Variants in CHKA observed in about 807,000 individuals in gnomAD.
The protein encoded by CHKA is CHETK-alpha.
A neutral mutation model predicts 60.1 loss-of-function variants in CHKA; 34 were observed. The ratio of observed to expected loss-of-function variants is 0.57; its 90% CI spans 0.43 to 0.75. CHKA has a LOEUF of 0.75. Ranked by LOEUF, CHKA falls within the 30% of genes least tolerant of loss-of-function variation. The pLI is 0.00. For synonymous variants in CHKA, 217 were observed against 223.1 expected, an observed-to-expected ratio of 0.97 and a Z score of 0.24; for missense variants, 563 against 561.3, an observed-to-expected ratio of 1.00 and a Z score of -0.03.
chr11:68,090,714 TCAAA>T (rs1857324195), intron 2 of CHKA, among the ~76,000 whole-genome samples: 1 of 152,208 alleles, frequency 6.6e-6, no homozygotes, highest in African/African-American at 2.4e-5. Context: ...TGGTTAGTAC[TCAAA>T]CAAGCACTAA....
intron 1 of CHKA, among the ~76,000 whole-genome samples, chr11:68,101,246 C>T (rs1214723459): frequency 6.6e-6 from 1 of 151,964 alleles, no homozygotes; most frequent in Admixed American, 6.6e-5. Flanking sequence ...CCACGCTGGT[C>T]CAAAGAGGTT....
Position 68,120,912 on chromosome 11 carries a change from C to A in CHKA, c.266G>T (p.Arg89Leu), listed in dbSNP as rs1377236258. 10 of 1,233,634 alleles carry A rather than the reference C, an allele frequency of 8.1e-6. No individual in the cohort carries two copies. Among genetic ancestry groups the A allele is most frequent in the African/African-American group, 3.2e-5 (2 of 63,176 alleles). The allele number at this position is 1,233,634 out of a possible 1,614,324, so 76.4% of individuals were successfully genotyped here. The change falls in exon 1 of 12, where the codon CGC (arginine) becomes CTC (leucine). Residue 89 changes from arginine (R) to leucine (L), a missense_variant. By Grantham distance (102) the Arg-to-Leu change is moderately radical. Coordinates refer to ENST00000265689, the MANE Select transcript of CHKA (RefSeq NM_001277.3). Reference sequence around the variant, plus strand: ...CTCCTTGCACCACAGATAGGCCCTGCGCCGCGTCCGGGGCTCCGGCTGCTC... The same window carrying A: ...CTCCTTGCACCACAGATAGGCCCTGAGCCGCGTCCGGGGCTCCGGCTGCTC... ...ADEQPEPRTR[R>L]RAYLWCKEFL...
intron 7 of CHKA, among the ~76,000 whole-genome samples, chr11:68,067,244 A>C (rs1856474886): frequency 6.6e-6 from 1 of 152,176 alleles, no homozygotes; most frequent in Admixed American, 6.5e-5. Context: ...TAGGATTTCT[A>C]GTGGAGGTAT....
intron 1 of CHKA, among the ~76,000 whole-genome samples, chr11:68,115,905 C>T (rs1858366412): frequency 6.6e-6 from 1 of 152,030 alleles, no homozygotes; most frequent in South Asian, 2.1e-4. Flanking sequence ...ATTTGAAAAG[C>T]AAACGTTTAA....
At chr11:68,098,186 G>A (rs1374205922) in intron 1 of CHKA, among the ~76,000 whole-genome samples, 2 of 147,522 alleles carry the variant, frequency 1.4e-5, no homozygotes, top group Non-Finnish European at 3.0e-5. Context: ...CAGAAGAATC[G>A]CTTGAACCCA....
At chr11:68,101,944 A>G (rs1352479359) in intron 1 of CHKA, among the ~76,000 whole-genome samples, 3 of 152,014 alleles carry the variant, frequency 2.0e-5, no homozygotes, top group Admixed American at 2.0e-4. Context: ...TACTAAAAAT[A>G]CAAAAATTAG....
intron 3 of CHKA, 22 bp from the exon 4 acceptor site, chr11:68,074,852 C>G: frequency 6.2e-7 from 1 of 1,610,854 alleles, no homozygotes; most frequent in Admixed American, 1.7e-5. Context: ...GGCAACAAAT[C>G]AGGTGTTTAC....
At chr11:68,073,973 G>A (rs1856704158) in intron 4 of CHKA, among the ~76,000 whole-genome samples, 1 of 152,144 alleles carries the variant, frequency 6.6e-6, no homozygotes. Context: ...AATCAAAGAA[G>A]TATTGCCAGG....
At chr11:68,088,092 G>A (rs1320753615) in intron 2 of CHKA, among the ~76,000 whole-genome samples, 1 of 126,676 alleles carries the variant, frequency 7.9e-6, no homozygotes, top group African/African-American at 3.1e-5. Context: ...TAGCTTGGGC[G>A]ACAGTGGGAG....
In CHKA at chr11:68,120,863, G is replaced by C; in HGVS notation, c.315C>G (p.Gly105=). 1 of 1,354,276 alleles carries C rather than the reference G, an allele frequency of 7.4e-7. No homozygotes were observed. The highest frequency in any genetic ancestry group is 9.6e-7 in the Non-Finnish European group (1 of 1,038,708). 83.9% of individuals were successfully genotyped at this position (1,354,276 alleles called of 1,614,324 possible). A position where few individuals can be genotyped will look rare whatever the true frequency, so the allele number is the denominator to read the frequency against. Residue 105 remains glycine, a synonymous_variant, in exon 1 of 12, where the codon GGC becomes GGG. Coordinates refer to ENST00000265689, the MANE Select transcript of CHKA (RefSeq NM_001277.3). Reference sequence around the variant, plus strand: ...TGATGTGGAACTCGTCCTCGCGGAGGCCCCGCCAGGCGCCGGGCAGGAACT... The same window carrying C: ...TGATGTGGAACTCGTCCTCGCGGAGCCCCCGCCAGGCGCCGGGCAGGAACT... The part of the protein sequence containing the change: ...CKEFLPGAWR[G]LREDEFHISV...
intron 4 of CHKA, among the ~76,000 whole-genome samples, chr11:68,073,945 A>G (rs1012393133): frequency 6.6e-6 from 1 of 152,206 alleles, no homozygotes; most frequent in Non-Finnish European, 1.5e-5. Flanking sequence ...GTGCAGGCTG[A>G]CAAAGACGAG....
intron 1 of CHKA, among the ~76,000 whole-genome samples, chr11:68,102,438 A>C: frequency 6.6e-6 from 1 of 152,226 alleles, no homozygotes; most frequent in East Asian, 1.9e-4. Context: ...AAGTGTCAAG[A>C]ACACAATAGG....
intron 1 of CHKA, among the ~76,000 whole-genome samples, chr11:68,117,420 G>A (rs955849919): frequency 1.3e-5 from 2 of 152,224 alleles, no homozygotes; most frequent in Non-Finnish European, 2.9e-5. Context: ...AGGGTGCAGT[G>A]GCTAACGCCT....
In CHKA at chr11:68,065,977, G is replaced by A. The variant is rs1331053082; in HGVS notation, c.1017-83C>T. 4 of 977,684 alleles carry A rather than the reference G, an allele frequency of 4.1e-6. No homozygotes were observed. In the African/African-American group the frequency reaches 6.4e-5, roughly 16 times the overall value. The allele number at this position is 977,684 out of a possible 1,614,324, so 60.6% of individuals were successfully genotyped here. On this transcript the variant is annotated intron_variant, in intron 8 of 11. Coordinates refer to ENST00000265689, the MANE Select transcript of CHKA (RefSeq NM_001277.3). ...CCTGACTGCAGAAGAAAGAAAGGCT[G>A]AGTTCCGAGCACGCCACTCCTGTTG...
chr11:68,100,703 C>CAT (rs546203240), intron 1 of CHKA, among the ~76,000 whole-genome samples: 2 of 151,236 alleles, frequency 1.3e-5, no homozygotes, highest in African/African-American at 4.8e-5. Context: ...CACACACACA[C>CAT]ATATATATGA....
At chr11:68,066,630 C>T in intron 7 of CHKA, 114 bp from the exon 8 acceptor site, 1 of 833,584 alleles carries the variant, frequency 1.2e-6, no homozygotes, top group Non-Finnish European at 2.0e-6. Flanking sequence ...CTGAATGTGG[C>T]TTTTGGTCTG....
chr11:68,113,979 G>A (rs1354232006), intron 1 of CHKA, among the ~76,000 whole-genome samples: 1 of 151,612 alleles, frequency 6.6e-6, no homozygotes, highest in African/African-American at 2.4e-5. Context: ...CAACAAGAGT[G>A]AAACTCTGTC....
intron 1 of CHKA, among the ~76,000 whole-genome samples, chr11:68,102,167 A>G (rs570875578): frequency 6.6e-6 from 1 of 152,196 alleles, no homozygotes; most frequent in South Asian, 2.1e-4. Flanking sequence ...TGCAATCCCT[A>G]TCAAAATACC....
intron 1 of CHKA, among the ~76,000 whole-genome samples, chr11:68,097,403 G>A (rs995646366): frequency 2.0e-5 from 3 of 152,174 alleles, no homozygotes; most frequent in Non-Finnish European, 4.4e-5. Flanking sequence ...GGGAGGCCGA[G>A]GCGGGTGGAT....
Sources: gnomAD v4.1 joint callset for allele counts (sites outside exome capture counted in the v4.1 genomes callset) on GRCh38, gnomAD v4.1.1 for gene constraint, MANE v1.5 for transcripts, NCBI Gene and HGNC (gene_info 2026-07-23, HGNC 2026-07-21) for gene names.